The following ANTXR1 variants were observed in gnomAD, a reference collection of about 807,000 sequenced individuals.
The protein encoded by ANTXR1 is ANTXR cell adhesion molecule 1.
Under a neutral mutation model 78.1 loss-of-function variants are expected in ANTXR1, and 19 were observed. That is an observed-to-expected ratio of 0.24 (90% CI 0.17 to 0.36). The LOEUF is 0.36. Ranked by LOEUF, ANTXR1 falls within the 10% of genes least tolerant of loss-of-function variation. ANTXR1 has a pLI of 1.00. For synonymous variants in ANTXR1, 273 were observed against 260.5 expected (o/e 1.05, Z -0.46); for missense variants, 518 against 718.6 (o/e 0.72, Z 3.19).
At chr2:69,100,895 C>G (rs1356324854) in intron 9 of ANTXR1, among the ~76,000 whole-genome samples, 1 of 152,168 alleles carries the variant, frequency 6.6e-6, no homozygotes, top group Non-Finnish European at 1.5e-5. Flanking sequence ...TCTTTCTAAA[C>G]GTAGCAATTG....
At chr2:69,135,893 G>A (rs1333900090) in intron 12 of ANTXR1, among the ~76,000 whole-genome samples, 1 of 152,176 alleles carries the variant, frequency 6.6e-6, no homozygotes, top group East Asian at 1.9e-4. Context: ...ACATGATAAA[G>A]CCTCAGCGTA....
intron 3 of ANTXR1, among the ~76,000 whole-genome samples, chr2:69,064,928 G>A (rs537956563): frequency 6.6e-6 from 1 of 151,808 alleles, no homozygotes; most frequent in East Asian, 1.9e-4. Flanking sequence ...TCTTAGAAAA[G>A]AAGAAAAGAT....
In ANTXR1 at chr2:69,140,328, T is replaced by G. The variant is rs935068331; in HGVS notation, c.952-11841T>G. Among the ~76,000 whole-genome samples, 3 of 152,252 alleles carry G rather than the reference T, an allele frequency of 2.0e-5. No individual in the cohort carries two copies. The South Asian group carries it at 6.2e-4, about 31-fold the overall frequency. On this transcript the variant is annotated intron_variant, in intron 12 of 17. Transcript: ENST00000303714. The stretch of plus-strand genomic sequence containing the variant: ...TTTATAGCAAACTAGGATTTATACA[T>G]CCATATGATTTCTGCTCCTTCAACG...
intron 17 of ANTXR1, among the ~76,000 whole-genome samples, chr2:69,194,460 C>T (rs1674616066): frequency 6.6e-6 from 1 of 152,244 alleles, no homozygotes; most frequent in Admixed American, 6.5e-5. Context: ...CCTCTCTGAA[C>T]TTCATCCTTA....
At chr2:69,104,733 GGAGA>G (rs934424296) in intron 10 of ANTXR1, among the ~76,000 whole-genome samples, 19 of 152,186 alleles carry the variant, frequency 1.2e-4, no homozygotes, top group Admixed American at 9.2e-4. Flanking sequence ...AGTGGGCTGG[GGAGA>G]GAGAGAATCT....
chr2:69,048,249 T>C (rs1319523534), intron 3 of ANTXR1, among the ~76,000 whole-genome samples: 1 of 152,176 alleles, frequency 6.6e-6, no homozygotes, highest in South Asian at 2.1e-4. Flanking sequence ...AAATGCAATT[T>C]TGCCTTTTGT....
intron 9 of ANTXR1, 32 bp downstream of exon 9, chr2:69,090,951 T>C: frequency 6.2e-7 from 1 of 1,604,532 alleles, no homozygotes; most frequent in Non-Finnish European, 8.5e-7. Context: ...ATTGCTTTCA[T>C]ACAATTGATG....
At chr2:69,205,879 T>C (rs1464844088) in intron 17 of ANTXR1, among the ~76,000 whole-genome samples, 1 of 152,228 alleles carries the variant, frequency 6.6e-6, no homozygotes. Context: ...TCATACTTTG[T>C]CATTGCCATT....
intron 9 of ANTXR1, among the ~76,000 whole-genome samples, chr2:69,093,603 T>C (rs941913334): frequency 3.3e-5 from 5 of 152,170 alleles, no homozygotes; most frequent in Non-Finnish European, 7.4e-5. Context: ...AATTAAAAGA[T>C]AATTTTGGAA....
At chr2:69,244,797 G>A (rs1199967694) in intron 17 of ANTXR1, among the ~76,000 whole-genome samples, 1 of 152,170 alleles carries the variant, frequency 6.6e-6, no homozygotes, top group Non-Finnish European at 1.5e-5. Flanking sequence ...AGTCTATTTT[G>A]GGTTAGAATC....
intron 17 of ANTXR1, among the ~76,000 whole-genome samples, 171 bp downstream of exon 17, chr2:69,193,586 T>A (rs1180125151): frequency 1.3e-5 from 2 of 152,238 alleles, no homozygotes; most frequent in African/African-American, 4.8e-5. Context: ...CCAGCTATTA[T>A]TTCATGTTGC....
At chr2:69,152,050 C>T in intron 12 of ANTXR1, 119 bp from the exon 13 acceptor site, 1 of 1,018,026 alleles carries the variant, frequency 9.8e-7, no homozygotes, top group South Asian at 1.3e-5. Flanking sequence ...CAACCATTTG[C>T]TTGGCAAACT....
chr2:69,091,915 C>T lies in ANTXR1; in HGVS notation c.703+996C>T, dbSNP rs541233875. ...CTGCTTAAAACTTCAACCACATTGGCGCTTCTCGTATAATTCTTGACAGGT... is the reference window on the plus strand; with the variant it reads ...CTGCTTAAAACTTCAACCACATTGGTGCTTCTCGTATAATTCTTGACAGGT... On this transcript the variant is annotated intron_variant, in intron 9 of 17. Coordinates refer to ENST00000303714, the MANE Select transcript of ANTXR1 (RefSeq NM_032208.3). 2.0e-5 allele frequency among the ~76,000 whole-genome samples: 3 copies of T among 152,332 alleles called. No homozygotes were observed. The South Asian group carries it at 6.2e-4, about 32-fold the overall frequency.
chr2:69,072,323 G>C (rs1670591827), intron 5 of ANTXR1, among the ~76,000 whole-genome samples: 1 of 152,122 alleles, frequency 6.6e-6, no homozygotes, highest in Non-Finnish European at 1.5e-5. Context: ...TTCGTGAGTA[G>C]CATTTCTGTA....
intron 12 of ANTXR1, among the ~76,000 whole-genome samples, chr2:69,133,397 GCTT>G (rs558350142): frequency 7.9e-5 from 12 of 152,072 alleles, no homozygotes; most frequent in Non-Finnish European, 1.8e-4. Context: ...CACACCCACC[GCTT>G]CTTACTCATT....
At chr2:69,096,314 G>A (rs9678932) in intron 9 of ANTXR1, among the ~76,000 whole-genome samples, 12,939 of 18,604 alleles carry the variant, frequency 0.7, 5,007 homozygotes, top group East Asian at 0.86. Context: ...GGGAGGAAGG[G>A]AGGAAGGGAG....
intron 14 of ANTXR1, among the ~76,000 whole-genome samples, chr2:69,180,064 T>A (rs1674235208): frequency 6.6e-6 from 1 of 152,226 alleles, no homozygotes; most frequent in Non-Finnish European, 1.5e-5. Context: ...TATTAAATTT[T>A]TTGAAAATCA....
At chr2:69,015,272 C>CAAAAAA (rs10536364) in intron 1 of ANTXR1, among the ~76,000 whole-genome samples, 263 of 91,774 alleles carry the variant, frequency 2.9e-3, no homozygotes, top group African/African-American at 6.7e-3. Flanking sequence ...CTTATCTTAG[C>CAAAAAA]AAAAAAAAAA....
rs1345136591 is a variant in ANTXR1 at position 69,013,296 on chromosome 2, C to A, written c.-204C>A. ...AGGACAGGATTGGGATCCTTGAAAC[C>A]CGAAACCCAGAAACAGCATCGGAGC... is the stretch of plus-strand genomic sequence containing the variant. On this transcript the variant is annotated 5_prime_UTR_variant, in exon 1 of 18. Coordinates refer to ENST00000303714, the MANE Select transcript of ANTXR1 (RefSeq NM_032208.3). This position sits in a 1 kb window ranked among gnomAD's most constrained non-coding sequence, Gnocchi z 5.0. The A allele has an allele frequency of 2.8e-6, 2 of 727,072 alleles. No homozygotes were observed. Among genetic ancestry groups the A allele is most frequent in the African/African-American group, 1.8e-5 (1 of 56,898 alleles). 45.0% of individuals were successfully genotyped at this position (727,072 alleles called of 1,614,324 possible).
Sources: allele counts gnomAD v4.1 joint callset (sites outside exome capture counted in the v4.1 genomes callset), GRCh38; gene constraint gnomAD v4.1.1; non-coding constraint Gnocchi (gnomAD v3.1); transcripts MANE v1.5; gene names NCBI Gene and HGNC (gene_info 2026-07-23, HGNC 2026-07-21).